The following MERTK variants were observed in gnomAD, a reference collection of about 807,000 sequenced individuals.
The protein encoded by MERTK is tyrosine-protein kinase Mer.
Under a neutral mutation model 99.3 loss-of-function variants are expected in MERTK, and 69 were observed. That is an observed-to-expected ratio of 0.70 (90% CI 0.57 to 0.85). The LOEUF is 0.85. MERTK is among the 40% of genes least tolerant of loss of function. The pLI is 0.00. For missense variants in MERTK, 1,125 were observed against 1,249.4 expected (o/e 0.90, Z 1.50); for synonymous variants, 426 against 467.6 (o/e 0.91, Z 1.15).
intron 7 of MERTK, among the ~76,000 whole-genome samples, chr2:111,979,621 A>T (rs1416660335): frequency 6.6e-6 from 1 of 151,510 alleles, no homozygotes; most frequent in East Asian, 1.9e-4. Flanking sequence ...TTGCTTCCTC[A>T]ATTTTCTTTT....
In MERTK at chr2:111,975,278, T is replaced by C. The variant is rs1411613990; in HGVS notation, c.961-11T>C. Reference sequence around the variant, plus strand: ...ACTAATGCCCGGTCCTCATGTTTACTCTTCGTTTAGGTCAAGGAAGCTGAT... The same window carrying C: ...ACTAATGCCCGGTCCTCATGTTTACCCTTCGTTTAGGTCAAGGAAGCTGAT... On this transcript the variant is annotated splice_polypyrimidine_tract_variant and intron_variant, in intron 6 of 18. Transcript: ENST00000295408. The C allele has an allele frequency of 6.2e-7, 1 of 1,614,178 alleles. No homozygotes were observed. Among genetic ancestry groups the C allele is most frequent in the East Asian group, 2.2e-5 (1 of 44,888 alleles).
At chr2:111,988,028 C>A (rs1573622542) in intron 8 of MERTK, among the ~76,000 whole-genome samples, 1 of 145,404 alleles carries the variant, frequency 6.9e-6, no homozygotes, top group Middle Eastern at 3.6e-3. Flanking sequence ...CTCACTCTGT[C>A]ATTCAGGCTG....
At chr2:112,020,230 G>T (rs1677310815) in intron 16 of MERTK, among the ~76,000 whole-genome samples, 1 of 152,068 alleles carries the variant, frequency 6.6e-6, no homozygotes. Flanking sequence ...CCTCATTTTT[G>T]AAAACACTAA....
intron 8 of MERTK, among the ~76,000 whole-genome samples, chr2:111,987,989 CTTT>C (rs3077010): frequency 9.5e-4 from 126 of 133,236 alleles, no homozygotes; most frequent in Non-Finnish European, 9.4e-4. Flanking sequence ...ATAGAACTAA[CTTT>C]TTTTTTTTTT....
chr2:111,920,856 A>G (rs901308932), intron 1 of MERTK, among the ~76,000 whole-genome samples: 1 of 151,944 alleles, frequency 6.6e-6, no homozygotes, highest in South Asian at 2.1e-4. Context: ...GGGTTTTGCC[A>G]TGTTGGCCAG....
chr2:111,923,635 G>C (rs1249546736), intron 1 of MERTK, among the ~76,000 whole-genome samples: 1 of 152,204 alleles, frequency 6.6e-6, no homozygotes, highest in Non-Finnish European at 1.5e-5. Flanking sequence ...GGGATAAGGT[G>C]GAGATTTCTT....
intron 2 of MERTK, among the ~76,000 whole-genome samples, chr2:111,931,462 C>A (rs1057259045): frequency 6.6e-6 from 1 of 152,036 alleles, no homozygotes; most frequent in African/African-American, 2.4e-5. Flanking sequence ...CCGAGGCAGG[C>A]GGATCACGAG....
intron 1 of MERTK, among the ~76,000 whole-genome samples, chr2:111,919,355 A>ATT (rs5833424): frequency 3.3e-5 from 5 of 151,210 alleles, no homozygotes; most frequent in African/African-American, 4.9e-5. Flanking sequence ...ATAAGAGGAG[A>ATT]TTTTTTTTTA....
At chr2:111,930,849 C>G (rs1684657595) in intron 2 of MERTK, among the ~76,000 whole-genome samples, 1 of 152,186 alleles carries the variant, frequency 6.6e-6, no homozygotes, top group Non-Finnish European at 1.5e-5. Flanking sequence ...CCACTCTTTC[C>G]TCTTAGCCAG....
rs551318758 is a variant in MERTK at position 112,026,002 on chromosome 2, A to T, written c.2487-2349A>T. Reference sequence around the variant, plus strand: ...GGCAACCTATATGATCACATCTTTTATAAAATCTCAGCAGAAAAATAAAAA... The same window carrying T: ...GGCAACCTATATGATCACATCTTTTTTAAAATCTCAGCAGAAAAATAAAAA... On this transcript the variant is annotated intron_variant, in intron 18 of 18. Coordinates refer to ENST00000295408, the MANE Select transcript of MERTK (RefSeq NM_006343.3). Among the ~76,000 whole-genome samples, 18 of 152,374 alleles carry T rather than the reference A, an allele frequency of 1.2e-4. 1 individual carries two copies. Among genetic ancestry groups the T allele is most frequent in the African/African-American group, 4.3e-4 (18 of 41,586 alleles).
At chr2:111,911,078 A>G (rs1342672767) in intron 1 of MERTK, among the ~76,000 whole-genome samples, 1 of 152,182 alleles carries the variant, frequency 6.6e-6, no homozygotes, top group African/African-American at 2.4e-5. Context: ...TGATTATTCC[A>G]AGCTGCCAGG....
At chr2:112,014,040 G>A (rs76066613) in intron 15 of MERTK, among the ~76,000 whole-genome samples, 1 of 80,820 alleles carries the variant, frequency 1.2e-5, no homozygotes, top group Non-Finnish European at 2.6e-5. Flanking sequence ...TTTTTTTTTT[G>A]AGACAGAGTC....
intron 4 of MERTK, among the ~76,000 whole-genome samples, chr2:111,961,477 A>G (rs1685250466): frequency 6.6e-6 from 1 of 152,064 alleles, no homozygotes; most frequent in Admixed American, 6.6e-5. Flanking sequence ...TTTCAAGAGA[A>G]TTTAATTAAG....
chr2:111,979,995 C>T (rs1676335365), intron 7 of MERTK, among the ~76,000 whole-genome samples: 1 of 152,142 alleles, frequency 6.6e-6, no homozygotes, highest in African/African-American at 2.4e-5. Context: ...TTGATTGGAA[C>T]TCTGTGGGTA....
At chr2:111,982,245 TG>T (rs1481277478) in intron 7 of MERTK, among the ~76,000 whole-genome samples, 1 of 152,004 alleles carries the variant, frequency 6.6e-6, no homozygotes, top group Non-Finnish European at 1.5e-5. Flanking sequence ...TAGTGGTGAT[TG>T]GAGTCTCACT....
rs757742950 is a variant in MERTK, at chr2:111,947,476, C to A, written c.666C>A (p.Gly222=). 8 of 1,614,150 alleles carry A rather than the reference C, an allele frequency of 5.0e-6. No individual in the cohort carries two copies. In the East Asian group the frequency reaches 1.8e-4, roughly 36 times the overall value. The change falls in exon 4 of 19, where the codon GGC becomes GGA. Residue 222 remains glycine (G), a synonymous_variant. Coordinates refer to ENST00000295408, the MANE Select transcript of MERTK (RefSeq NM_006343.3). ...TAFNLTCQAV[G]PPEPVNIFWV... ...TCAACCTCACCTGTCAGGCTGTGGG[C>A]CCGCCTGAGCCCGTCAACATTTTCT...
Position 111,913,723 on chromosome 2 carries a change from A to G in MERTK, c.61+14927A>G, listed in dbSNP as rs776863573. 7.9e-5 allele frequency among the ~76,000 whole-genome samples: 12 copies of G among 151,726 alleles called. No homozygotes were observed. The South Asian group carries it at 1.5e-3, about 18-fold the overall frequency. On this transcript the variant is annotated intron_variant, in intron 1 of 18. Coordinates refer to ENST00000295408, the MANE Select transcript of MERTK (RefSeq NM_006343.3). Reference sequence around the variant, plus strand: ...CACCATGCCTGGCTAATTTTTTTGTATTTTTGATAGAGGTGGGGTTTCACC... The same window carrying G: ...CACCATGCCTGGCTAATTTTTTTGTGTTTTTGATAGAGGTGGGGTTTCACC...
At chr2:111,951,507 G>A (rs1367620709) in intron 4 of MERTK, among the ~76,000 whole-genome samples, 4 of 72,236 alleles carry the variant, frequency 5.5e-5, no homozygotes, top group Admixed American at 1.7e-4. Context: ...TTTTGTACAC[G>A]CTGAATAATA....
chr2:111,996,280 T>TAA (rs1346812333), intron 9 of MERTK: 2 of 154,342 alleles, frequency 1.3e-5, no homozygotes, highest in Non-Finnish European at 2.9e-5. Context: ...GCATAAAGCA[T>TAA]AAACTCGGGC....
Sources: allele counts gnomAD v4.1 joint callset (sites outside exome capture counted in the v4.1 genomes callset), GRCh38; gene constraint gnomAD v4.1.1; transcripts MANE v1.5; gene names NCBI Gene and HGNC (gene_info 2026-07-23, HGNC 2026-07-21).